ZNF208: variants seen among roughly 807,000 people sequenced by gnomAD.
ZNF208 encodes zinc finger protein 95.
Under a neutral mutation model 12.1 loss-of-function variants are expected in ZNF208, and 10 were observed. That is an observed-to-expected ratio of 0.83 (90% confidence interval 0.51 to 1.40). ZNF208 has a LOEUF of 1.40. Among genes scored for constraint, ZNF208 ranks in the 40% most tolerant of loss-of-function variants. The pLI is 0.00. For missense variants in ZNF208, 1,652 were observed against 1,485.0 expected (o/e 1.11, Z -1.85); for synonymous variants, 497 against 488.4 (o/e 1.02, Z -0.23).
intron 1 of ZNF208, among the ~76,000 whole-genome samples, chr19:22,008,748 A>G (rs1402836064): frequency 6.6e-6 from 1 of 152,130 alleles, no homozygotes; most frequent in Non-Finnish European, 1.5e-5. Context: ...CAACACTAAT[A>G]TCTCAAGGGG....
chr19:22,010,286 T>C (rs1241278355), intron 1 of ZNF208, among the ~76,000 whole-genome samples: 1 of 152,232 alleles, frequency 6.6e-6, no homozygotes, highest in African/African-American at 2.4e-5. Context: ...TAAAACTCTT[T>C]CCGTCAAACC....
downstream of ZNF208, chr19:21,965,708 T>C (rs954603474): frequency 6.6e-6 from 1 of 151,958 alleles, no homozygotes; most frequent in African/African-American, 2.4e-5. Context: ...ATAAGACTTT[T>C]GTGCTTTTTT....
chr19:21,943,920 G>C (rs1969780443), intron 4 of ZNF208, among the ~76,000 whole-genome samples: 1 of 152,156 alleles, frequency 6.6e-6, no homozygotes, highest in Non-Finnish European at 1.5e-5. Context: ...AAAAGTATTT[G>C]TTCCATATCT....
intron 1 of ZNF208, among the ~76,000 whole-genome samples, chr19:22,003,806 T>C (rs1394947942): frequency 2.6e-5 from 4 of 152,162 alleles, no homozygotes; most frequent in African/African-American, 9.7e-5. Context: ...ATCACGTTCA[T>C]TGCAGCACTA....
chr19:21,955,395 T>C (rs1276474127), intron 4 of ZNF208, among the ~76,000 whole-genome samples: 1 of 152,228 alleles, frequency 6.6e-6, no homozygotes, highest in Non-Finnish European at 1.5e-5. Context: ...GTTGGGATAG[T>C]TCTCCTGGAT....
At chr19:21,949,677 T>C (rs1001361323) in intron 4 of ZNF208, among the ~76,000 whole-genome samples, 1 of 152,174 alleles carries the variant, frequency 6.6e-6, no homozygotes, top group African/African-American at 2.4e-5. Flanking sequence ...AATCTCTATG[T>C]ATCAAAAAGG....
At chr19:21,953,623 C>T (rs1969927103) in intron 4 of ZNF208, among the ~76,000 whole-genome samples, 1 of 152,188 alleles carries the variant, frequency 6.6e-6, no homozygotes. Flanking sequence ...CAGATTTTGT[C>T]ACCACCAGGC....
intron 4 of ZNF208, among the ~76,000 whole-genome samples, chr19:21,950,449 G>A (rs1969872146): frequency 6.7e-6 from 1 of 150,042 alleles, no homozygotes; most frequent in Non-Finnish European, 1.5e-5. Context: ...TTCTAGCTAT[G>A]CTTGTTTATT....
rs1303835998 is a variant in ZNF208, at chr19:21,967,297, A to C, written c.*3894T>G. Reference sequence around the variant, plus strand: ...GTTTTCCCAGTATTACTTACTAAATAGGGAGTTAATTCCCCTTTTGTTTAT... The same window carrying C: ...GTTTTCCCAGTATTACTTACTAAATCGGGAGTTAATTCCCCTTTTGTTTAT... On this transcript the variant is annotated 3_prime_UTR_variant, in exon 4 of 4. Coordinates refer to ENST00000397126, the MANE Select transcript of ZNF208 (RefSeq NM_007153.3). 1 of 152,110 alleles carries C rather than the reference A, an allele frequency of 6.6e-6. No individual in the cohort carries two copies. The highest frequency in any genetic ancestry group is 1.5e-5 in the Non-Finnish European group (1 of 68,020). 9.4% of individuals were successfully genotyped at this position (152,110 alleles called of 1,614,324 possible).
intron 3 of ZNF208, among the ~76,000 whole-genome samples, chr19:21,975,824 A>AG (rs1491323376): frequency 4.8e-4 from 15 of 31,448 alleles, no homozygotes; most frequent in Admixed American, 8.0e-4. Flanking sequence ...GTCAAAGTCC[A>AG]AAAAAAAAAA....
rs1305155237 is a variant in ZNF208, at chr19:22,000,818, TGAA to T, written c.3+9971_3+9973del. 3.9e-5 allele frequency among the ~76,000 whole-genome samples: 6 copies of T among 152,000 alleles called. No individual in the cohort carries two copies. The South Asian group carries it at 1.0e-3, about 26-fold the overall frequency. ...GTAAATAAACTACTAGCTAGATTAA[TGAA>T]GAAGATACAAATAAACACAATTAGA... On this transcript the variant is annotated intron_variant, in intron 1 of 3. Coordinates refer to ENST00000397126, the MANE Select transcript of ZNF208 (RefSeq NM_007153.3).
At chr19:21,961,108 A>C (rs1344271359), downstream of ZNF208, among the ~76,000 whole-genome samples, 1 of 152,168 alleles carries the variant, frequency 6.6e-6, no homozygotes, top group Non-Finnish European at 1.5e-5. Flanking sequence ...TTATTGGGGG[A>C]ACCCACCCCC....
rs185099636 is a variant in ZNF208 at position 21,971,012 on chromosome 19, T to C, written c.*179A>G. ...GAACATACTAAAGCCTTTACCACAT[T>C]CTTCACATTTGTAGGGTGTCTCTCC... On this transcript the variant is annotated 3_prime_UTR_variant, in exon 4 of 4. Coordinates refer to ENST00000397126, the MANE Select transcript of ZNF208 (RefSeq NM_007153.3). Among the ~76,000 whole-genome samples, 2 of 152,218 alleles carry C rather than the reference T, an allele frequency of 1.3e-5. No homozygotes were observed. The highest frequency in any genetic ancestry group is 2.9e-5 in the Non-Finnish European group (2 of 68,004).
chr19:21,972,237 T>C lies in ZNF208; in HGVS notation c.2797A>G (p.Ser933Gly), dbSNP rs1970305309. Residue 933 changes from serine (S) to glycine (G), a missense_variant, in exon 4 of 4, where the codon AGT (serine) becomes GGT (glycine). Ser to Gly is a moderately conservative substitution (Grantham distance 56). Around this residue, in one of 3 missense-constraint regions of ZNF208, gnomAD observed 1,239 missense variants for 1,086.2 expected, o/e 1.14. Transcript: ENST00000397126. ...CCAGCATGAGTTTTCTTATGTTTACTAAAGACTGACAACCAGCTGAAGGCT... is the reference window on the plus strand; with the variant it reads ...CCAGCATGAGTTTTCTTATGTTTACCAAAGACTGACAACCAGCTGAAGGCT... ...GKAFSWLSVFSKHKKTHAGEK... is the reference protein window; with the variant it reads ...GKAFSWLSVFGKHKKTHAGEK... 4 of 1,613,760 alleles carry C rather than the reference T, an allele frequency of 2.5e-6. No homozygotes were observed. The highest frequency in any genetic ancestry group is 2.5e-6 in the Non-Finnish European group (3 of 1,179,924).
At position 21,970,815 on chromosome 19, in the gene ZNF208, A is replaced by C; in HGVS notation, c.*376T>G. On this transcript the variant is annotated 3_prime_UTR_variant, in exon 4 of 4. Transcript: ENST00000397126. ...ATGAATTTTCTTATGTTTACTAAAG[A>C]CTGAGAACCAGCTGAAGGCTTTGCC... 1 of 1,465,854 alleles carries C rather than the reference A, an allele frequency of 6.8e-7. No individual in the cohort carries two copies. Among genetic ancestry groups the C allele is most frequent in the Non-Finnish European group, 9.5e-7 (1 of 1,049,716 alleles). 90.8% of individuals were successfully genotyped at this position (1,465,854 alleles called of 1,614,324 possible).
intron 4 of ZNF208, among the ~76,000 whole-genome samples, chr19:21,953,507 C>T (rs540742154): frequency 2.6e-5 from 4 of 152,178 alleles, no homozygotes; most frequent in Non-Finnish European, 5.9e-5. Flanking sequence ...GGCCAATATT[C>T]AACATTCTGA....
intron 4 of ZNF208, among the ~76,000 whole-genome samples, chr19:21,958,321 C>A (rs1176996807): frequency 6.6e-6 from 1 of 152,132 alleles, no homozygotes; most frequent in African/African-American, 2.4e-5. Context: ...GCAATCTCTG[C>A]CTGCAGCTCA....
chr19:22,010,900 G>T lies in ZNF208; in HGVS notation c.-106C>A. The T allele has an allele frequency of 1.3e-6, 2 of 1,533,386 alleles. No individual in the cohort carries two copies. Among genetic ancestry groups the T allele is most frequent in the Non-Finnish European group, 1.8e-6 (2 of 1,109,174 alleles). 95.0% of individuals were successfully genotyped at this position (1,533,386 alleles called of 1,614,324 possible). ...CTCTAGGAGCAGAGGACACACAGCA[G>T]TAAGGACGAGACCTTGACCTCCGGC... is the stretch of plus-strand genomic sequence containing the variant. On this transcript the variant is annotated 5_prime_UTR_variant, in exon 1 of 4. In the 5' UTR this introduces an upstream ATG that the reference lacks. Transcript: ENST00000397126.
At chr19:21,955,537 T>C (rs767169792) in intron 4 of ZNF208, among the ~76,000 whole-genome samples, 1 of 152,234 alleles carries the variant, frequency 6.6e-6, no homozygotes, top group African/African-American at 2.4e-5. Context: ...CTTTTTACTC[T>C]TGTTTCTCTA....
Sources: allele counts gnomAD v4.1 joint callset (sites outside exome capture counted in the v4.1 genomes callset), GRCh38; gene constraint gnomAD v4.1.1; regional missense constraint gnomAD v4.1.1; transcripts MANE v1.5; gene names NCBI Gene and HGNC (gene_info 2026-07-23, HGNC 2026-07-21).